The following RALGDS variants were observed in gnomAD, a reference collection of about 807,000 sequenced individuals.
RALGDS encodes ral guanine nucleotide dissociation stimulator.
RALGDS carries 44 observed loss-of-function variants against 99.8 expected under a neutral mutation model. The ratio of observed to expected loss-of-function variants is 0.44; its 90% CI spans 0.35 to 0.57. The LOEUF (loss-of-function observed/expected upper bound fraction) is 0.57, where lower values mean the gene tolerates loss of function less well. Among genes scored for constraint, RALGDS ranks in the 20% least tolerant of loss-of-function variants. The pLI is 0.01. For synonymous variants in RALGDS, 529 were observed against 505.0 expected (o/e 1.05, Z -0.64); for missense variants, 1,022 against 1,203.1 (o/e 0.85, Z 2.23).
chr9:133,148,912 T>TA, intron 1 of RALGDS: 12 of 1,588,734 alleles, frequency 7.6e-6, no homozygotes, highest in Non-Finnish European at 1.0e-5. Context: ...GGCTGGGGCA[T>TA]ACGGTCCTCC....
chr9:133,128,733 T>A (rs1244909770), intron 1 of RALGDS, among the ~76,000 whole-genome samples: 1 of 152,152 alleles, frequency 6.6e-6, no homozygotes, highest in African/African-American at 2.4e-5. Flanking sequence ...GGGCCTCAAT[T>A]TCTCCATCAG....
At chr9:133,121,255 C>G (rs1175866984), upstream of RALGDS, 12 of 982,106 alleles carry the variant, frequency 1.2e-5, no homozygotes, top group South Asian at 4.7e-4. Flanking sequence ...GCCCGCGGCC[C>G]GGCCCTGCTG....
Position 133,103,212 on chromosome 9 carries a change from C to A in RALGDS, c.1791+18G>T, listed in dbSNP as rs199860011. ...TTTTCCACCCCTCCCCAAGTCAGGGCTGCCTGCAGCTGCTTACCTTCCTCC... is the reference window on the plus strand; with the variant it reads ...TTTTCCACCCCTCCCCAAGTCAGGGATGCCTGCAGCTGCTTACCTTCCTCC... On this transcript the variant is annotated intron_variant, in intron 12 of 17. Transcript: ENST00000372050. 127 of 1,613,838 alleles carry A rather than the reference C, an allele frequency of 7.9e-5. No homozygotes were observed. Among genetic ancestry groups the A allele is most frequent in the Non-Finnish European group, 1.1e-4 (124 of 1,179,990 alleles).
rs367926866 is a variant in RALGDS, at chr9:133,111,294, CTGTTT to C, written c.294+743_294+747del. Among the ~76,000 whole-genome samples, 507 of 152,232 alleles carry C rather than the reference CTGTTT, an allele frequency of 3.3e-3. 2 individuals are homozygous for C. Among genetic ancestry groups the C allele is most frequent in the African/African-American group, 9.7e-3 (402 of 41,526 alleles). On this transcript the variant is annotated intron_variant, in intron 2 of 17. Coordinates refer to ENST00000372050, the MANE Select transcript of RALGDS (RefSeq NM_006266.4). ...GACGCACAGCATCTTCCCCGTGGCA[CTGTTT>C]TGTTTTGTTTTGAGACAGTCACCCA...
chr9:133,141,314 C>T (rs1392849176), intron 1 of RALGDS, among the ~76,000 whole-genome samples: 1 of 152,202 alleles, frequency 6.6e-6, no homozygotes, highest in African/African-American at 2.4e-5. Flanking sequence ...TCTACTGCCC[C>T]ACCCTCTCCC....
At chr9:133,139,959 C>T (rs1832491827) in intron 1 of RALGDS, among the ~76,000 whole-genome samples, 1 of 152,220 alleles carries the variant, frequency 6.6e-6, no homozygotes. Context: ...TCCCACCTCC[C>T]AGGCTTCTCT....
At position 133,108,999 on chromosome 9, in the gene RALGDS, A is replaced by G. The variant is rs1831210153; in HGVS notation, c.585-133T>C. On this transcript the variant is annotated intron_variant, in intron 4 of 17. Transcript: ENST00000372050. Reference sequence around the variant, plus strand: ...GCCCCCTTGGCTGTCCAGCTAAAAGAACCAAGGAGGCCCCTGGTCAGTGGC... The same window carrying G: ...GCCCCCTTGGCTGTCCAGCTAAAAGGACCAAGGAGGCCCCTGGTCAGTGGC... 4.6e-6 allele frequency: 4 copies of G among 872,236 alleles called. No individual in the cohort carries two copies. The Admixed American group carries it at 6.3e-5, about 14-fold the overall frequency. 54.0% of individuals were successfully genotyped at this position (872,236 alleles called of 1,614,324 possible). A position where few individuals can be genotyped will look rare whatever the true frequency, so the allele number is the denominator to read the frequency against.
upstream of RALGDS, among the ~76,000 whole-genome samples, chr9:133,131,667 C>T (rs1364286845): frequency 5.3e-5 from 8 of 152,066 alleles, 1 homozygote; most frequent in South Asian, 8.3e-4. Flanking sequence ...AGGCCCTGTC[C>T]CCTGGGAAAG....
chr9:133,106,626 C>A lies in RALGDS; in HGVS notation c.1517+19G>T. 1 of 1,571,270 alleles carries A rather than the reference C, an allele frequency of 6.4e-7. No homozygotes were observed. Among genetic ancestry groups the A allele is most frequent in the South Asian group, 1.1e-5 (1 of 87,952 alleles). On this transcript the variant is annotated intron_variant, in intron 8 of 17. Transcript: ENST00000372050. ...GGAGGTCCCTGGTGCACCAGGAGCT[C>A]CTACAGAGGCATGCCCACCTGGAAA...
At chr9:133,139,378 C>T (rs147598369) in intron 1 of RALGDS, among the ~76,000 whole-genome samples, 33 of 152,304 alleles carry the variant, frequency 2.2e-4, no homozygotes, top group African/African-American at 5.3e-4. Context: ...TCCTGAAGAA[C>T]GGCAAGCGGC....
chr9:133,138,767 T>C (rs1194510145), intron 1 of RALGDS, among the ~76,000 whole-genome samples: 1 of 152,180 alleles, frequency 6.6e-6, no homozygotes, highest in East Asian at 1.9e-4. Flanking sequence ...CCCGAGTAGC[T>C]GGAATTACAG....
intron 1 of RALGDS, among the ~76,000 whole-genome samples, chr9:133,127,566 C>T (rs192076986): frequency 1.6e-3 from 241 of 152,374 alleles, no homozygotes; most frequent in Middle Eastern, 3.4e-3. Context: ...TGCCTAGGTC[C>T]TGGGGTGGCC....
chr9:133,103,239 C>A lies in RALGDS; in HGVS notation c.1782G>T (p.Lys594Asn), dbSNP rs1830847366. The A allele has an allele frequency of 6.2e-7, 1 of 1,613,850 alleles. No individual in the cohort carries two copies. The highest frequency in any genetic ancestry group is 8.5e-7 in the Non-Finnish European group (1 of 1,180,018). ...YLYGRLINFE[K>N]RRKEFEVIAQ... ...GCCTGCAGCTGCTTACCTTCCTCCT[C>A]TTCTCAAAGTTGATGAGTCTGCCCT... Residue 594 changes from lysine to asparagine, a missense_variant, in exon 12 of 18, where the codon AAG (lysine) becomes AAT (asparagine). Around this residue, in one of 3 missense-constraint regions of RALGDS, gnomAD observed 825 missense variants for 994.5 expected, o/e 0.83. Coordinates refer to ENST00000372050, the MANE Select transcript of RALGDS (RefSeq NM_006266.4).
intron 1 of RALGDS, among the ~76,000 whole-genome samples, chr9:133,148,316 A>G (rs531003199): frequency 4.6e-5 from 7 of 152,220 alleles, no homozygotes; most frequent in African/African-American, 1.2e-4. Context: ...GAACCCCACA[A>G]TCTGTCCTCT....
intron 2 of RALGDS, among the ~76,000 whole-genome samples, chr9:133,111,551 G>A (rs536408305): frequency 6.6e-6 from 1 of 152,358 alleles, no homozygotes; most frequent in East Asian, 1.9e-4. Flanking sequence ...AAAATGCTGG[G>A]ATTACAGGCA....
At chr9:133,101,913 A>G (rs983275823) in intron 15 of RALGDS, 25 bp downstream of exon 15, 1 of 1,550,874 alleles carries the variant, frequency 6.4e-7, no homozygotes, top group Non-Finnish European at 8.7e-7. Flanking sequence ...GGGAAAGGAT[A>G]TTGGGGAGAA....
chr9:133,115,782 C>A (rs1157301273), intron 1 of RALGDS, among the ~76,000 whole-genome samples: 1 of 152,354 alleles, frequency 6.6e-6, no homozygotes, highest in South Asian at 2.1e-4. Context: ...TTGTCTGAGG[C>A]CTGCCTAAGG....
intron 1 of RALGDS, among the ~76,000 whole-genome samples, chr9:133,115,438 C>A (rs920055125): frequency 2.0e-5 from 3 of 152,204 alleles, no homozygotes; most frequent in African/African-American, 7.2e-5. Context: ...TCCTGGGGGA[C>A]CTCCCAAGCC....
Position 133,130,229 on chromosome 9 carries a change from C to A in RALGDS, c.132+723G>T, listed in dbSNP as rs537152165. 3.8e-4 allele frequency among the ~76,000 whole-genome samples: 58 copies of A among 152,342 alleles called. No homozygotes were observed. The Middle Eastern group carries it at 0.01, about 27-fold the overall frequency. ...TCGTGATATGCCTGCCTCAGCCTCC[C>A]AAAGTGCTGGGATTACAGGCATGAG... On this transcript the variant is annotated intron_variant, in intron 1 of 17. Transcript: ENST00000372062.
Sources: allele counts gnomAD v4.1 joint callset (sites outside exome capture counted in the v4.1 genomes callset), GRCh38; gene constraint gnomAD v4.1.1; regional missense constraint gnomAD v4.1.1; transcripts MANE v1.5; gene names NCBI Gene and HGNC (gene_info 2026-07-23, HGNC 2026-07-21).